Variants in BRF1 observed in about 807,000 individuals in gnomAD.
The protein encoded by BRF1 is BRF1 general transcription factor IIIB subunit, also known as transcription factor IIIB 90 kDa subunit.
Under a neutral mutation model 81.7 loss-of-function variants are expected in BRF1, and 59 were observed. That is an observed-to-expected ratio of 0.72 (90% CI 0.59 to 0.90). BRF1 has a LOEUF of 0.90. Among genes scored for constraint, BRF1 ranks in the 40% least tolerant of loss-of-function variants. BRF1 has a pLI of 0.00. For missense variants in BRF1, 1,050 were observed against 936.3 expected (o/e 1.12, Z -1.58); for synonymous variants, 491 against 395.6 (o/e 1.24, Z -2.86).
chr14:105,224,820 C>T (rs114491543), intron 10 of BRF1, among the ~76,000 whole-genome samples: 1 of 152,338 alleles, frequency 6.6e-6, no homozygotes, highest in African/African-American at 2.4e-5. Context: ...GCTGCGATTA[C>T]AGGCATGAAC....
chr14:105,212,253 G>T, intron 15 of BRF1, 89 bp from the exon 16 acceptor site: 6 of 1,500,366 alleles, frequency 4.0e-6, no homozygotes, highest in Non-Finnish European at 5.4e-6. Flanking sequence ...CCCTTTCCCA[G>T]TGTTAATTGA....
Position 105,256,512 on chromosome 14 carries a change from G to A in BRF1, c.471+6C>T. Reference sequence around the variant, plus strand: ...TGGGGAAAGATGCAGGACGGAGGCTGTCTACCTGGAGCAGGTCGCTGAGGT... The same window carrying A: ...TGGGGAAAGATGCAGGACGGAGGCTATCTACCTGGAGCAGGTCGCTGAGGT... On this transcript the variant is annotated splice_donor_region_variant and intron_variant, in intron 4 of 17. Coordinates refer to ENST00000547530, the MANE Select transcript of BRF1 (RefSeq NM_001519.4). The A allele has an allele frequency of 6.2e-7, 1 of 1,614,146 alleles. No individual in the cohort carries two copies. Among genetic ancestry groups the A allele is most frequent in the African/African-American group, 1.3e-5 (1 of 75,066 alleles).
chr14:105,216,096 CACAG>C (rs1249556695), intron 15 of BRF1, among the ~76,000 whole-genome samples: 36 of 151,952 alleles, frequency 2.4e-4, no homozygotes, highest in African/African-American at 6.8e-4. Flanking sequence ...ACTGCATGCG[CACAG>C]ACACAGGCAC....
intron 15 of BRF1, chr14:105,212,570 T>C: frequency 5.2e-6 from 1 of 191,738 alleles, no homozygotes; most frequent in Non-Finnish European, 1.1e-5. Flanking sequence ...AATCCCTACA[T>C]CTGCTGACAA....
At chr14:105,211,816 C>T (rs1160631635) in intron 16 of BRF1, 2 of 500,578 alleles carry the variant, frequency 4.0e-6, no homozygotes, top group Non-Finnish European at 3.6e-6. Flanking sequence ...GTGCCTGCTT[C>T]CTACATACAG....
chr14:105,252,157 A>C (rs1213862176), intron 5 of BRF1, among the ~76,000 whole-genome samples: 1 of 152,162 alleles, frequency 6.6e-6, no homozygotes, highest in Non-Finnish European at 1.5e-5. Flanking sequence ...AGGCACTGAC[A>C]ACAGGCCTTC....
chr14:105,288,110 T>A (rs587749405), intron 1 of BRF1, among the ~76,000 whole-genome samples: 7 of 152,332 alleles, frequency 4.6e-5, no homozygotes, highest in South Asian at 4.1e-4. Flanking sequence ...ATCTATGTAC[T>A]AGTTTTCTGT....
intron 6 of BRF1, among the ~76,000 whole-genome samples, chr14:105,229,645 G>A (rs1262195505): frequency 3.3e-5 from 5 of 150,990 alleles, no homozygotes; most frequent in South Asian, 2.1e-4. Flanking sequence ...GCTGGGGGCG[G>A]GGGACAGCCT....
chr14:105,306,765 C>T (rs868861826), intron 1 of BRF1, among the ~76,000 whole-genome samples: 1 of 152,188 alleles, frequency 6.6e-6, no homozygotes, highest in Non-Finnish European at 1.5e-5. Context: ...GCCACTGCGC[C>T]CAGCTAATTT....
chr14:105,287,963 G>A (rs1393152267), intron 1 of BRF1, among the ~76,000 whole-genome samples: 1 of 152,210 alleles, frequency 6.6e-6, no homozygotes, highest in African/African-American at 2.4e-5. Flanking sequence ...GCCCAGAGCC[G>A]GCCTCCTGGT....
In BRF1 at chr14:105,271,317, G is replaced by A. The variant is rs944671711; in HGVS notation, c.439+1404C>T. On this transcript the variant is annotated intron_variant, in intron 3 of 17. Coordinates refer to ENST00000547530, the MANE Select transcript of BRF1 (RefSeq NM_001519.4). The surrounding 1 kb of genome is among the most constrained non-coding windows in gnomAD (Gnocchi z 5.5). ...TCACACTGCCGTGAGATTTCTGAAC[G>A]TGGAGATTAGAGGCAAGGAGCTGAA... Among the ~76,000 whole-genome samples, 4 of 152,236 alleles carry A rather than the reference G, an allele frequency of 2.6e-5. No homozygotes were observed. Among genetic ancestry groups the A allele is most frequent in the South Asian group, 2.1e-4 (1 of 4,834 alleles).
Position 105,248,683 on chromosome 14 carries a change from C to T in BRF1, c.544+3824G>A, listed in dbSNP as rs1257366803. On this transcript the variant is annotated intron_variant, in intron 5 of 17. Transcript: ENST00000547530. The stretch of plus-strand genomic sequence containing the variant: ...GGGGTGGCAGGGGAGCGGGTGGCAG[C>T]CCCGCGGGTCACAGCGCCGCCGCCG... 1.1e-5 allele frequency: 11 copies of T among 981,944 alleles called. No individual in the cohort carries two copies. In the African/African-American group the frequency reaches 1.9e-4, roughly 17 times the overall value. The allele number at this position is 981,944 out of a possible 1,614,324, so 60.8% of individuals were successfully genotyped here.
chr14:105,314,632 C>T (rs1403615554), intron 1 of BRF1: 1 of 144,036 alleles, frequency 6.9e-6, no homozygotes, highest in Non-Finnish European at 1.5e-5. Context: ...CGAGCTGGCG[C>T]CCCGCCCAGC....
chr14:105,215,363 G>C (rs773981864), intron 15 of BRF1, among the ~76,000 whole-genome samples: 2 of 149,970 alleles, frequency 1.3e-5, no homozygotes, highest in East Asian at 2.0e-4. Flanking sequence ...TGCACAGAGA[G>C]ACACATAGGC....
At chr14:105,249,687 C>T (rs1216723525) in intron 5 of BRF1, 2 of 1,613,526 alleles carry the variant, frequency 1.2e-6, no homozygotes, top group Non-Finnish European at 1.7e-6. Context: ...ACGGTGCTGG[C>T]CACTCTGTAC....
At chr14:105,219,370 T>C in intron 12 of BRF1, 138 bp from the exon 13 acceptor site, 1 of 1,489,002 alleles carries the variant, frequency 6.7e-7, no homozygotes, top group South Asian at 1.3e-5. Context: ...GTGCGGAGCC[T>C]GGGCTGAGGC....
intron 4 of BRF1, chr14:105,256,236 A>G (rs1301384246): frequency 3.2e-6 from 5 of 1,540,348 alleles, no homozygotes; most frequent in Non-Finnish European, 3.5e-6. Context: ...GTGTAGGACA[A>G]AAGTTCACTG....
rs1313544972 is a variant in BRF1 at position 105,271,390 on chromosome 14, T to C, written c.439+1331A>G. Among the ~76,000 whole-genome samples the C allele has an allele frequency of 6.6e-6, 1 of 152,176 alleles. No homozygotes were observed. Among genetic ancestry groups the C allele is most frequent in the African/African-American group, 2.4e-5 (1 of 41,446 alleles). ...GCCAGGAGCCAGAGGGCCACAGAAC[T>C]GCCCAGTGAGAATGCTGGAGGCAAG... On this transcript the variant is annotated intron_variant, in intron 3 of 17. Transcript: ENST00000547530. The surrounding 1 kb of genome is among the most constrained non-coding windows in gnomAD (Gnocchi z 5.5).
chr14:105,219,160 C>T lies in BRF1; in HGVS notation c.1450G>A (p.Glu484Lys). The T allele has an allele frequency of 1.2e-6, 2 of 1,612,284 alleles. No individual in the cohort carries two copies. The highest frequency in any genetic ancestry group is 1.7e-6 in the Non-Finnish European group (2 of 1,178,602). ...WMRENAEYLR[E>K]QREKEARIAK... is the part of the protein sequence containing the mutation. ...GGCGGGTGGCGCTTACCCCTCTGTTCCCGCAGGTACTCGGCGTTCTCCCTC... is the reference window on the plus strand; with the variant it reads ...GGCGGGTGGCGCTTACCCCTCTGTTTCCGCAGGTACTCGGCGTTCTCCCTC... The change falls in exon 13 of 18, where the codon GAA becomes AAA. Residue 484 changes from glutamate (E) to lysine (K), a missense_variant. Around this residue, in one of 2 missense-constraint regions of BRF1, gnomAD observed 1,043 missense variants for 915.4 expected, o/e 1.14. Transcript: ENST00000547530.
Sources: gnomAD v4.1 joint callset for allele counts (sites outside exome capture counted in the v4.1 genomes callset) on GRCh38, gnomAD v4.1.1 for gene constraint, gnomAD v4.1.1 regional missense constraint, Gnocchi (gnomAD v3.1) non-coding constraint, MANE v1.5 for transcripts, NCBI Gene and HGNC (gene_info 2026-07-23, HGNC 2026-07-21) for gene names.